PRKCE: variants seen among roughly 807,000 people sequenced by gnomAD.
PRKCE encodes the protein protein kinase C epsilon type.
A neutral mutation model predicts 85.4 loss-of-function variants in PRKCE; 16 were observed. The observed-to-expected ratio is 0.19, with a 90% CI of 0.13 to 0.28. The LOEUF is 0.28. Ranked by LOEUF, PRKCE falls within the 10% of genes least tolerant of loss-of-function variation. PRKCE has a pLI of 1.00. For missense variants in PRKCE, 573 were observed against 975.2 expected, an observed-to-expected ratio of 0.59 and a Z score of 5.49; for synonymous variants, 388 against 371.5, an observed-to-expected ratio of 1.04 and a Z score of -0.51.
chr2:46,007,277 A>T (rs1705287654), intron 8 of PRKCE, among the ~76,000 whole-genome samples, 185 bp from the exon 9 acceptor site: 1 of 152,212 alleles, frequency 6.6e-6, no homozygotes, highest in African/African-American at 2.4e-5. Flanking sequence ...TCTGCTGCGC[A>T]TTAGGTGCCA....
intron 2 of PRKCE, among the ~76,000 whole-genome samples, chr2:45,896,886 C>G (rs1361196612): frequency 6.6e-6 from 1 of 152,094 alleles, no homozygotes; most frequent in Non-Finnish European, 1.5e-5. Flanking sequence ...AAGTTCAAGG[C>G]CAGCCTGGGG....
chr2:45,860,810 T>A (rs1051815515), intron 2 of PRKCE, among the ~76,000 whole-genome samples: 10 of 151,856 alleles, frequency 6.6e-5, no homozygotes, highest in Non-Finnish European at 1.0e-4. Flanking sequence ...TCTGCAGCAC[T>A]CTCCTGGCAC....
intron 2 of PRKCE, among the ~76,000 whole-genome samples, chr2:45,894,258 A>G (rs551898402): frequency 1.3e-3 from 196 of 152,096 alleles, no homozygotes; most frequent in African/African-American, 4.5e-3. Context: ...GGTTGGGGAT[A>G]GGGAGTGATT....
At chr2:45,862,723 C>T (rs1693266833) in intron 2 of PRKCE, among the ~76,000 whole-genome samples, 2 of 152,186 alleles carry the variant, frequency 1.3e-5, no homozygotes, top group South Asian at 4.1e-4. Context: ...GAGCAGGCAG[C>T]TTATTACCAA....
In PRKCE at chr2:45,859,086, AAAT is replaced by A. The variant is rs1411232503; in HGVS notation, c.412+16026_412+16028del. On this transcript the variant is annotated intron_variant, in intron 2 of 14. Transcript: ENST00000306156. ...TAAATAAATAAATAAATAAATAAATAAATAAAATAGTATCATCCTATGTTTCAT... is the reference window on the plus strand; with the variant it reads ...TAAATAAATAAATAAATAAATAAATAAAAATAGTATCATCCTATGTTTCAT... Among the ~76,000 whole-genome samples the A allele has an allele frequency of 3.6e-3, 464 of 127,388 alleles. 3 individuals are homozygous for A. Among genetic ancestry groups the A allele is most frequent in the Admixed American group, 0.011 (143 of 12,862 alleles). 83.6% of individuals were successfully genotyped at this position (127,388 alleles called of 152,430 possible).
chr2:46,131,948 T>A (rs1207846559), intron 11 of PRKCE, among the ~76,000 whole-genome samples: 1 of 152,188 alleles, frequency 6.6e-6, no homozygotes, highest in Non-Finnish European at 1.5e-5. Flanking sequence ...GGAAAGTCTT[T>A]TCTCAAAAGA....
intron 1 of PRKCE, among the ~76,000 whole-genome samples, chr2:45,808,998 A>C (rs1332686331): frequency 6.6e-6 from 1 of 152,042 alleles, no homozygotes; most frequent in Non-Finnish European, 1.5e-5. Flanking sequence ...AGAATCCTGA[A>C]CCTGAGAGTC....
At chr2:46,046,113 C>G (rs1382025450) in intron 10 of PRKCE, among the ~76,000 whole-genome samples, 1 of 152,168 alleles carries the variant, frequency 6.6e-6, no homozygotes, top group Non-Finnish European at 1.5e-5. Context: ...TCCAGAGAGG[C>G]CAGTGCCCCT....
At chr2:45,756,732 A>G (rs1684035821) in intron 1 of PRKCE, among the ~76,000 whole-genome samples, 1 of 152,266 alleles carries the variant, frequency 6.6e-6, no homozygotes. Context: ...TGCACATTAT[A>G]TGATTCCATT....
chr2:45,924,102 C>A (rs1477709545), intron 2 of PRKCE, among the ~76,000 whole-genome samples: 1 of 152,174 alleles, frequency 6.6e-6, no homozygotes, highest in Non-Finnish European at 1.5e-5. Context: ...ATGGACCCAA[C>A]CCCTTTTCCC....
chr2:46,119,042 C>T (rs1473511210), intron 11 of PRKCE, among the ~76,000 whole-genome samples: 1 of 152,176 alleles, frequency 6.6e-6, no homozygotes, highest in African/African-American at 2.4e-5. Flanking sequence ...TGGAAGTTTT[C>T]CTATCTCTGG....
chr2:46,063,779 C>T (rs1290223798), intron 10 of PRKCE, among the ~76,000 whole-genome samples: 2 of 152,172 alleles, frequency 1.3e-5, no homozygotes, highest in South Asian at 2.1e-4. Context: ...TCCTTACCAG[C>T]GACTCCTCTT....
At chr2:46,172,497 G>A (rs935229648) in intron 14 of PRKCE, among the ~76,000 whole-genome samples, 6 of 132,214 alleles carry the variant, frequency 4.5e-5, no homozygotes, top group East Asian at 1.9e-4. Context: ...GGGCCTGGGC[G>A]TGCCTGGGCG....
rs563526016 is a variant in PRKCE at position 45,702,685 on chromosome 2, CT to C, written c.348+50245del. ...ATCACTATTATATAGTAGAACCCTT[CT>C]TTTTTTTCCCCCAAAATAAAGCTCT... On this transcript the variant is annotated intron_variant, in intron 1 of 14. Transcript: ENST00000306156. Among the ~76,000 whole-genome samples the C allele has an allele frequency of 4.1e-3, 619 of 152,082 alleles. 8 individuals carry two copies. The highest frequency in any genetic ancestry group is 0.014 in the African/African-American group (580 of 41,482).
At chr2:45,817,745 T>G (rs1485369898) in intron 1 of PRKCE, among the ~76,000 whole-genome samples, 1 of 152,140 alleles carries the variant, frequency 6.6e-6, no homozygotes, top group African/African-American at 2.4e-5. Flanking sequence ...ACACCGAGGC[T>G]TTGCTAGGTT....
chr2:45,761,133 T>G lies in PRKCE; in HGVS notation c.349-81867T>G, dbSNP rs113007018. Among the ~76,000 whole-genome samples the G allele has an allele frequency of 4.5e-4, 68 of 152,038 alleles. 1 individual carries two copies. Among genetic ancestry groups the G allele is most frequent in the African/African-American group, 1.6e-3 (65 of 41,442 alleles). ...ACGAGGTCAGGAGATTGAGACCATCTTGGCTAACACGGTGAAACCTCGTCT... is the reference window on the plus strand; with the variant it reads ...ACGAGGTCAGGAGATTGAGACCATCGTGGCTAACACGGTGAAACCTCGTCT... On this transcript the variant is annotated intron_variant, in intron 1 of 14. Coordinates refer to ENST00000306156, the MANE Select transcript of PRKCE (RefSeq NM_005400.3).
chr2:45,858,618 TG>T (rs1269207202), intron 2 of PRKCE, among the ~76,000 whole-genome samples: 2 of 152,156 alleles, frequency 1.3e-5, no homozygotes, highest in African/African-American at 2.4e-5. Context: ...TTTCCCCCAA[TG>T]GGGGAAAGAT....
rs1046326034 is a variant in PRKCE at position 45,919,922 on chromosome 2, C to T, written c.413-56507C>T. Among the ~76,000 whole-genome samples, 3 of 152,182 alleles carry T rather than the reference C, an allele frequency of 2.0e-5. 1 individual carries two copies. The highest frequency in any genetic ancestry group is 3.9e-4 in the East Asian group (2 of 5,190). ...TGTTCACTAGGTGTGGAAAAGGGTGCGTGAGTGGGTGAAGGCAGACACTGG... is the reference window on the plus strand; with the variant it reads ...TGTTCACTAGGTGTGGAAAAGGGTGTGTGAGTGGGTGAAGGCAGACACTGG... On this transcript the variant is annotated intron_variant, in intron 2 of 14. Transcript: ENST00000306156.
At chr2:45,657,602 AG>A (rs1366948573) in intron 1 of PRKCE, among the ~76,000 whole-genome samples, 1 of 152,130 alleles carries the variant, frequency 6.6e-6, no homozygotes, top group East Asian at 1.9e-4. Flanking sequence ...GCCACGAGAA[AG>A]CTAGGTTTTC....
Sources: allele counts gnomAD v4.1 joint callset (sites outside exome capture counted in the v4.1 genomes callset), GRCh38; gene constraint gnomAD v4.1.1; transcripts MANE v1.5; gene names NCBI Gene and HGNC (gene_info 2026-07-23, HGNC 2026-07-21).